The following STX18 variants were observed in gnomAD, a reference collection of about 807,000 sequenced individuals.
STX18 encodes syntaxin 18, also known as syntaxin-18.
A neutral mutation model predicts 50.1 loss-of-function variants in STX18; 40 were observed. That is an observed-to-expected ratio of 0.80 (90% confidence interval 0.62 to 1.04). The LOEUF is 1.04. Among genes scored for constraint, STX18 ranks in the 50% least tolerant of loss-of-function variants. The probability of loss-of-function intolerance (pLI) is 0.00; values close to 1 mark genes in which losing one functional copy is unlikely to be tolerated. For synonymous variants in STX18, 158 were observed against 151.8 expected, an observed-to-expected ratio of 1.04 and a Z score of -0.30; for missense variants, 410 against 415.8, an observed-to-expected ratio of 0.99 and a Z score of 0.12.
At chr4:4,464,589 G>A (rs1727530376) in intron 2 of STX18, among the ~76,000 whole-genome samples, 1 of 152,118 alleles carries the variant, frequency 6.6e-6, no homozygotes, top group Non-Finnish European at 1.5e-5. Flanking sequence ...ACTTCTTTAA[G>A]GACACTTTCT....
intron 1 of STX18, among the ~76,000 whole-genome samples, chr4:4,481,113 G>A (rs1728436204): frequency 6.6e-6 from 1 of 152,146 alleles, no homozygotes; most frequent in Admixed American, 6.5e-5. Flanking sequence ...GGTGTTTTGT[G>A]AATTACCCAA....
At chr4:4,520,059 A>T (rs1730443221) in intron 1 of STX18, among the ~76,000 whole-genome samples, 1 of 152,226 alleles carries the variant, frequency 6.6e-6, no homozygotes, top group Admixed American at 6.5e-5. Context: ...AAATATTTGC[A>T]ACATTCCTTC....
intron 1 of STX18, among the ~76,000 whole-genome samples, chr4:4,526,897 A>G (rs995216408): frequency 5.3e-5 from 8 of 152,248 alleles, no homozygotes; most frequent in Admixed American, 5.2e-4. Context: ...ATCTTTTGAC[A>G]TAAGTGAGAT....
intron 1 of STX18, among the ~76,000 whole-genome samples, chr4:4,510,625 C>T (rs1729953300): frequency 6.6e-6 from 1 of 152,128 alleles, no homozygotes; most frequent in Non-Finnish European, 1.5e-5. Context: ...ACCAGAAATA[C>T]CATTTGACCC....
At chr4:4,437,745 C>A in intron 6 of STX18, 2 of 447,702 alleles carry the variant, frequency 4.5e-6, no homozygotes, top group Non-Finnish European at 5.9e-6. Context: ...CTGCTCCACT[C>A]TGCCTTTGAG....
chr4:4,487,498 G>A (rs888466547), intron 1 of STX18, among the ~76,000 whole-genome samples: 4 of 152,174 alleles, frequency 2.6e-5, no homozygotes, highest in Non-Finnish European at 2.9e-5. Flanking sequence ...GCACACACCT[G>A]GCAAGTTGAA....
intron 9 of STX18, among the ~76,000 whole-genome samples, chr4:4,422,353 A>T (rs1327994140): frequency 6.6e-6 from 1 of 152,052 alleles, no homozygotes; most frequent in African/African-American, 2.4e-5. Flanking sequence ...GATCACCTGA[A>T]GTCAGGAGTT....
In STX18 at chr4:4,424,369, T is replaced by A. The variant is rs1168547527; in HGVS notation, c.762-782A>T. Among the ~76,000 whole-genome samples the A allele has an allele frequency of 2.0e-5, 3 of 147,554 alleles. No homozygotes were observed. The South Asian group carries it at 6.4e-4, about 31-fold the overall frequency. On this transcript the variant is annotated intron_variant, in intron 8 of 10. Transcript: ENST00000306200. ...GAAGCAGTGATGAATCCCAACAGTA[T>A]CACAGTGGCAGGGGGCAGGGGAGGA...
At chr4:4,498,755 T>C (rs1729304856) in intron 1 of STX18, among the ~76,000 whole-genome samples, 1 of 152,108 alleles carries the variant, frequency 6.6e-6, no homozygotes, top group Non-Finnish European at 1.5e-5. Context: ...AGCAAAGCAG[T>C]TTAAGTTTTA....
At chr4:4,459,008 T>C (rs1218751981) in intron 3 of STX18, among the ~76,000 whole-genome samples, 1 of 149,738 alleles carries the variant, frequency 6.7e-6, no homozygotes, top group East Asian at 1.9e-4. Flanking sequence ...CACATGTGCA[T>C]ACACACATAC....
chr4:4,459,122 A>G (rs962256145), intron 3 of STX18, among the ~76,000 whole-genome samples: 1 of 151,326 alleles, frequency 6.6e-6, no homozygotes, highest in African/African-American at 2.4e-5. Flanking sequence ...GCCCCTAGAT[A>G]TATTTTTGGT....
In STX18 at chr4:4,438,443, CTG is replaced by C; in HGVS notation, c.562_563del (p.Gln188GlufsTer7). The C allele has an allele frequency of 6.2e-7, 1 of 1,613,910 alleles. No homozygotes were observed. The highest frequency in any genetic ancestry group is 1.1e-5 in the South Asian group (1 of 91,066). ...RESTSSEKVSQSPSKDSEENP... is the reference protein window; with the variant it reads ...RESTSSEKVSXSPSKDSEENP... ...TTTCTTCAGAGTCTTTTGAAGGACT[CTG>C]TGAAACTTTCTCAGAAGATGTGGAT... On this transcript the variant is annotated frameshift_variant, in exon 6 of 11. Coordinates refer to ENST00000306200, the MANE Select transcript of STX18 (RefSeq NM_016930.4). LOFTEE classifies it high-confidence loss of function.
At chr4:4,512,726 G>C (rs1183213168) in intron 1 of STX18, among the ~76,000 whole-genome samples, 2 of 152,118 alleles carry the variant, frequency 1.3e-5, no homozygotes, top group Non-Finnish European at 2.9e-5. Flanking sequence ...CAATATCTAA[G>C]CTTGAAGGCT....
intron 1 of STX18, among the ~76,000 whole-genome samples, chr4:4,522,114 T>C (rs1336344018): frequency 2.6e-5 from 4 of 152,230 alleles, no homozygotes; most frequent in Non-Finnish European, 5.9e-5. Context: ...TTAAACAATA[T>C]TTGTTTCCTC....
intron 1 of STX18, among the ~76,000 whole-genome samples, chr4:4,479,947 C>T (rs527594784): frequency 6.6e-6 from 1 of 152,186 alleles, no homozygotes; most frequent in Non-Finnish European, 1.5e-5. Flanking sequence ...GACTCAACAC[C>T]AGGAACTACT....
At chr4:4,527,867 C>CATATATAT (rs1553851958) in intron 1 of STX18, among the ~76,000 whole-genome samples, 13 of 137,204 alleles carry the variant, frequency 9.5e-5, no homozygotes, top group South Asian at 4.6e-4. Flanking sequence ...CACACACACA[C>CATATATAT]ATATATATAT....
chr4:4,507,155 C>A, intron 1 of STX18: 2 of 557,176 alleles, frequency 3.6e-6, no homozygotes, highest in Non-Finnish European at 6.9e-6. Flanking sequence ...GCTAGCAACA[C>A]AGTACAAGAC....
Position 4,419,945 on chromosome 4 carries a change from C to A in STX18, c.*89G>T, listed in dbSNP as rs1021185372. On this transcript the variant is annotated 3_prime_UTR_variant, in exon 11 of 11. Coordinates refer to ENST00000306200, the MANE Select transcript of STX18 (RefSeq NM_016930.4). ...AAATGGCACTGTGATAAAATCTGGT[C>A]ATACCATGCTCCAGCACTGGAAGTA... 6.4e-6 allele frequency: 7 copies of A among 1,095,016 alleles called. No individual in the cohort carries two copies. Among genetic ancestry groups the A allele is most frequent in the South Asian group, 1.4e-5 (1 of 72,154 alleles). The allele number at this position is 1,095,016 out of a possible 1,614,324, so 67.8% of individuals were successfully genotyped here.
At chr4:4,513,045 C>A (rs941188257) in intron 1 of STX18, among the ~76,000 whole-genome samples, 1 of 152,018 alleles carries the variant, frequency 6.6e-6, no homozygotes, top group African/African-American at 2.4e-5. Context: ...ACATATCAAA[C>A]GGACATAAGG....
Sources: allele counts gnomAD v4.1 joint callset (sites outside exome capture counted in the v4.1 genomes callset), GRCh38; gene constraint gnomAD v4.1.1; transcripts MANE v1.5; gene names NCBI Gene and HGNC (gene_info 2026-07-23, HGNC 2026-07-21).